Variants in FARP2 observed in about 807,000 individuals in gnomAD.
FARP2 encodes the protein FERM, ARHGEF and pleckstrin domain-containing protein 2.
FARP2 carries 111 observed loss-of-function variants against 130.5 expected under a neutral mutation model. The ratio of observed to expected loss-of-function variants is 0.85; its 90% CI spans 0.73 to 1.00. FARP2 has a LOEUF of 1.00. FARP2 is among the 50% of genes least tolerant of loss of function. The probability of loss-of-function intolerance (pLI) is 0.00; values close to 1 mark genes in which losing one functional copy is unlikely to be tolerated. For missense variants in FARP2, 1,385 were observed against 1,346.3 expected (o/e 1.03, Z -0.45); for synonymous variants, 504 against 516.9 (o/e 0.98, Z 0.34).
intron 9 of FARP2, among the ~76,000 whole-genome samples, chr2:241,432,639 C>G (rs2063121843): frequency 6.6e-6 from 1 of 152,112 alleles, no homozygotes; most frequent in Admixed American, 6.5e-5. Context: ...TTACTGACTG[C>G]TCATTAATAA....
chr2:241,438,887 C>A (rs755149223), intron 12 of FARP2, among the ~76,000 whole-genome samples: 9 of 152,056 alleles, frequency 5.9e-5, no homozygotes, highest in Admixed American at 1.3e-4. Context: ...GCTCAGCCTC[C>A]CAAAGTGCTG....
intron 24 of FARP2, among the ~76,000 whole-genome samples, chr2:241,492,219 A>G (rs368571185): frequency 6.6e-6 from 1 of 151,902 alleles, no homozygotes; most frequent in African/African-American, 2.4e-5. Flanking sequence ...CCCAGCCACA[A>G]TCGGCTGGGC....
intron 13 of FARP2, among the ~76,000 whole-genome samples, chr2:241,454,147 C>T (rs1181632101): frequency 6.6e-6 from 1 of 152,024 alleles, no homozygotes; most frequent in Non-Finnish European, 1.5e-5. Context: ...GTTTGCAACC[C>T]CAGCAGCGTC....
At chr2:241,491,322 T>G (rs1197685777) in intron 23 of FARP2, 143 bp downstream of exon 23, 12 of 858,160 alleles carry the variant, frequency 1.4e-5, no homozygotes, top group Non-Finnish European at 2.2e-5. Flanking sequence ...CTACGCCTCA[T>G]GCCTGGGCGG....
intron 18 of FARP2, among the ~76,000 whole-genome samples, chr2:241,474,346 AAAAAGAT>A (rs2064397994): frequency 6.9e-6 from 1 of 144,968 alleles, no homozygotes; most frequent in Non-Finnish European, 1.5e-5. Flanking sequence ...AAAAAAAAAA[AAAAAGAT>A]AGAGCTGGAA....
intron 2 of FARP2, among the ~76,000 whole-genome samples, chr2:241,399,732 G>C (rs1444391621): frequency 6.6e-6 from 1 of 152,106 alleles, no homozygotes. Flanking sequence ...CAGTCTTTTG[G>C]GGGTGGGGGA....
chr2:241,481,184 G>A (rs747091607), intron 19 of FARP2, among the ~76,000 whole-genome samples: 1 of 151,838 alleles, frequency 6.6e-6, no homozygotes, highest in South Asian at 2.1e-4. Flanking sequence ...AACCGTGATC[G>A]TACCACTGCA....
chr2:241,491,754 G>A, intron 24 of FARP2, 75 bp downstream of exon 24: 1 of 1,425,538 alleles, frequency 7.0e-7, no homozygotes, highest in African/African-American at 1.4e-5. Flanking sequence ...GCTGAGGAGG[G>A]GACCTCAGGA....
At chr2:241,361,028 GAAA>G (rs55678832) in intron 1 of FARP2, among the ~76,000 whole-genome samples, 9 of 124,586 alleles carry the variant, frequency 7.2e-5, no homozygotes, top group African/African-American at 2.6e-4. Context: ...ATTCAAAAAA[GAAA>G]AAAAAAAAAA....
At chr2:241,366,397 A>G (rs2061321426) in intron 1 of FARP2, among the ~76,000 whole-genome samples, 1 of 151,904 alleles carries the variant, frequency 6.6e-6, no homozygotes, top group Non-Finnish European at 1.5e-5. Flanking sequence ...AAATCAGGAT[A>G]CCAGGTTGTA....
At chr2:241,432,823 G>T (rs1414838411) in intron 9 of FARP2, among the ~76,000 whole-genome samples, 1 of 152,200 alleles carries the variant, frequency 6.6e-6, no homozygotes, top group Admixed American at 6.5e-5. Context: ...AAGCTACCAT[G>T]GGGTTTGAAG....
intron 24 of FARP2, among the ~76,000 whole-genome samples, chr2:241,491,982 G>GC (rs1308787112): frequency 8.5e-5 from 13 of 152,240 alleles, no homozygotes; most frequent in East Asian, 3.9e-4. Flanking sequence ...ATCCCCTGCA[G>GC]CCCCCCGTCC....
At chr2:241,476,658 T>C (rs1348741658) in intron 19 of FARP2, among the ~76,000 whole-genome samples, 1 of 152,088 alleles carries the variant, frequency 6.6e-6, no homozygotes, top group African/African-American at 2.4e-5. Flanking sequence ...CATTGCACTC[T>C]AGCCTGGGTA....
intron 8 of FARP2, among the ~76,000 whole-genome samples, chr2:241,424,590 G>T (rs367598750): frequency 2.0e-5 from 3 of 152,062 alleles, no homozygotes; most frequent in Non-Finnish European, 4.4e-5. Context: ...GCTAGCAGAA[G>T]ACAAGAAATA....
intron 11 of FARP2, among the ~76,000 whole-genome samples, chr2:241,435,607 G>C (rs1405342859): frequency 2.0e-5 from 3 of 151,220 alleles, no homozygotes; most frequent in Non-Finnish European, 4.4e-5. Flanking sequence ...CGCCTCCCGG[G>C]TTCACACCAT....
At chr2:241,379,998 C>CA (rs2061623433) in intron 2 of FARP2, among the ~76,000 whole-genome samples, 1 of 152,100 alleles carries the variant, frequency 6.6e-6, no homozygotes, top group African/African-American at 2.4e-5. Flanking sequence ...CTCCCAGAGC[C>CA]AGCTCCCCCA....
At position 241,442,398 on chromosome 2, in the gene FARP2, C is replaced by T. The variant is rs535103781; in HGVS notation, c.1411+842C>T. ...AGTCAGACTCATGGGACTCTGAAAC[C>T]GAGGCCCCCCTAGACATAAGCCTTT... On this transcript the variant is annotated intron_variant, in intron 13 of 26. Coordinates refer to ENST00000264042, the MANE Select transcript of FARP2 (RefSeq NM_014808.4). 2.8e-4 allele frequency: 128 copies of T among 456,682 alleles called. 1 individual carries two copies. Among genetic ancestry groups the T allele is most frequent in the African/African-American group, 2.2e-3 (108 of 50,202 alleles). 28.3% of individuals were successfully genotyped at this position (456,682 alleles called of 1,614,324 possible).
chr2:241,404,951 A>G lies in FARP2; in HGVS notation c.331+110A>G. 3.9e-6 allele frequency: 3 copies of G among 773,342 alleles called. No homozygotes were observed. The South Asian group carries it at 5.2e-5, about 13-fold the overall frequency. The allele number at this position is 773,342 out of a possible 1,614,324, so 47.9% of individuals were successfully genotyped here. A position where few individuals can be genotyped will look rare whatever the true frequency, so the allele number is the denominator to read the frequency against. ...TTCTCACCACCGTGTATGGTTAGCAAGAAGTAATCACCAATAGCGGACAAA... is the reference window on the plus strand; with the variant it reads ...TTCTCACCACCGTGTATGGTTAGCAGGAAGTAATCACCAATAGCGGACAAA... On this transcript the variant is annotated intron_variant, in intron 4 of 26. Transcript: ENST00000264042.
intron 12 of FARP2, among the ~76,000 whole-genome samples, chr2:241,437,670 A>ATTTTATTTT (rs1553723710): frequency 2.3e-5 from 3 of 133,112 alleles, no homozygotes; most frequent in Admixed American, 9.2e-5. Flanking sequence ...TTATTTATTT[A>ATTTTATTTT]TTTTTTTTTT....
Sources: gnomAD v4.1 joint callset for allele counts (sites outside exome capture counted in the v4.1 genomes callset) on GRCh38, gnomAD v4.1.1 for gene constraint, MANE v1.5 for transcripts, NCBI Gene and HGNC (gene_info 2026-07-23, HGNC 2026-07-21) for gene names.